The following ATRAID variants were observed in gnomAD, a reference collection of about 807,000 sequenced individuals.
ATRAID encodes all-trans retinoic acid induced differentiation factor.
In ATRAID, 26 loss-of-function variants were observed where a neutral mutation model predicts 28.8. The ratio of observed to expected loss-of-function variants is 0.90; its 90% confidence interval spans 0.66 to 1.25. The LOEUF (loss-of-function observed/expected upper bound fraction) is 1.25, where lower values mean the gene tolerates loss of function less well. ATRAID is among the 50% of genes most tolerant of loss of function. The pLI is 0.00. For synonymous variants in ATRAID, 131 were observed against 108.5 expected (o/e 1.21, Z -1.29); for missense variants, 308 against 285.9 (o/e 1.08, Z -0.56).
At chr2:27,215,842 G>A (rs11126918) in intron 5 of ATRAID, 89 bp downstream of exon 5, 365,332 of 1,516,154 alleles carry the variant, frequency 0.24, 46,446 homozygotes, top group Admixed American at 0.45. Flanking sequence ...TTGCTTAAGC[G>A]CCTTTCATTC....
In ATRAID at chr2:27,212,345, A is replaced by T. The variant is rs369544433; in HGVS notation, c.-24A>T. ...GGCCGCGGGGCCGGGTCGCGCGAGC[A>T]GCGGAGCACCAAGGGAACGGAAAAT... On this transcript the variant is annotated 5_prime_UTR_variant, in exon 1 of 7. Coordinates refer to ENST00000380171, the MANE Select transcript of ATRAID (RefSeq NM_001170795.4). 5.2e-5 allele frequency: 81 copies of T among 1,549,694 alleles called. 1 individual carries two copies. The African/African-American group carries it at 1.0e-3, about 19-fold the overall frequency.
At chr2:27,214,068 T>A (rs567752997) in intron 2 of ATRAID, among the ~76,000 whole-genome samples, 31 of 152,338 alleles carry the variant, frequency 2.0e-4, no homozygotes, top group Middle Eastern at 6.8e-3. Flanking sequence ...ATACCTTTTT[T>A]AAAAACTTCC....
chr2:27,215,329 T>A lies in ATRAID; in HGVS notation c.230T>A (p.Leu77His), dbSNP rs769989754. The A allele has an allele frequency of 6.2e-7, 1 of 1,614,124 alleles. No individual in the cohort carries two copies. Among genetic ancestry groups the A allele is most frequent in the Non-Finnish European group, 8.5e-7 (1 of 1,179,974 alleles). ...NQKGTILGLD[L>H]QNCSLEDPGP... ...TTACTTTATTTCCTCAGGCTGGATCTCCAGAACTGTTCTCTGGAGGACCCT... is the reference window on the plus strand; with the variant it reads ...TTACTTTATTTCCTCAGGCTGGATCACCAGAACTGTTCTCTGGAGGACCCT... Residue 77 changes from leucine to histidine, a missense_variant, in exon 3 of 7, where the codon CTC becomes CAC. Coordinates refer to ENST00000380171, the MANE Select transcript of ATRAID (RefSeq NM_001170795.4).
At position 27,216,567 on chromosome 2, in the gene ATRAID, C is replaced by A. The variant is rs1674844081; in HGVS notation, c.532C>A (p.Leu178Ile). ...ATCTTGTGTACCTGATGGTCCAGGT[C>A]TTTTGCAGTGTGTTTGTGCTGATGG... ...NGSCVPDGPG[L>I]LQCVCADGFH... The change falls in exon 6 of 7, where the codon CTT (leucine) becomes ATT (isoleucine). Residue 178 changes from leucine (L) to isoleucine (I), a missense_variant. By Grantham distance (5) the Leu-to-Ile change is conservative. Transcript: ENST00000380171. The A allele has an allele frequency of 1.2e-6, 2 of 1,614,138 alleles. No individual in the cohort carries two copies. Among genetic ancestry groups the A allele is most frequent in the Non-Finnish European group, 1.7e-6 (2 of 1,180,016 alleles).
Position 27,217,007 on chromosome 2 carries a change from G to T in ATRAID, c.*59G>T. On this transcript the variant is annotated 3_prime_UTR_variant, in exon 7 of 7. Coordinates refer to ENST00000380171, the MANE Select transcript of ATRAID (RefSeq NM_001170795.4). ...TCTGAACTATCTTAGCCCAGTCAGG[G>T]AGCTCTGCTTCCTAGAAAGGCATCT... 7.0e-7 allele frequency: 1 copy of T among 1,428,270 alleles called. No individual in the cohort carries two copies. The highest frequency in any genetic ancestry group is 2.3e-5 in the East Asian group (1 of 43,640). 88.5% of individuals were successfully genotyped at this position (1,428,270 alleles called of 1,614,324 possible). A position where few individuals can be genotyped will look rare whatever the true frequency, so the allele number is the denominator to read the frequency against.
Position 27,212,321 on chromosome 2 carries a change from G to A in ATRAID, c.-48G>A, listed in dbSNP as rs1674603592. The A allele has an allele frequency of 1.9e-6, 3 of 1,549,168 alleles. No homozygotes were observed. Among genetic ancestry groups the A allele is most frequent in the Middle Eastern group, 1.7e-4 (1 of 5,808 alleles). On this transcript the variant is annotated 5_prime_UTR_variant, in exon 1 of 7. Transcript: ENST00000380171. Reference sequence around the variant, plus strand: ...AGGGCCTGACGCGCTGCGGGGCGGGGCCGCGGGGCCGGGTCGCGCGAGCAG... The same window carrying A: ...AGGGCCTGACGCGCTGCGGGGCGGGACCGCGGGGCCGGGTCGCGCGAGCAG...
In ATRAID at chr2:27,212,298, G is replaced by A. The variant is rs765299018; in HGVS notation, c.-71G>A. The A allele has an allele frequency of 5.1e-5, 79 of 1,551,064 alleles. No individual in the cohort carries two copies. Among genetic ancestry groups the A allele is most frequent in the Non-Finnish European group, 6.3e-5 (72 of 1,147,092 alleles). On this transcript the variant is annotated 5_prime_UTR_variant, in exon 1 of 7. Coordinates refer to ENST00000380171, the MANE Select transcript of ATRAID (RefSeq NM_001170795.4). ...CGCTTAGGCCACGCCCGGGGAAGAG[G>A]GCCTGACGCGCTGCGGGGCGGGGCC...
chr2:27,216,967 T>C lies in ATRAID; in HGVS notation c.*19T>C, dbSNP rs1674873740. Reference sequence around the variant, plus strand: ...TTCATGAACTACATAGGTCTTACCATTGACCTAAGATCAATCTGAACTATC... The same window carrying C: ...TTCATGAACTACATAGGTCTTACCACTGACCTAAGATCAATCTGAACTATC... On this transcript the variant is annotated 3_prime_UTR_variant, in exon 7 of 7. Transcript: ENST00000380171. 6.4e-7 allele frequency: 1 copy of C among 1,574,320 alleles called. No individual in the cohort carries two copies. Among genetic ancestry groups the C allele is most frequent in the African/African-American group, 1.4e-5 (1 of 73,864 alleles).
chr2:27,215,541 ACT>A lies in ATRAID; in HGVS notation c.364_365del (p.Leu122AspfsTer13). 1 of 1,614,180 alleles carries A rather than the reference ACT, an allele frequency of 6.2e-7. No homozygotes were observed. Among genetic ancestry groups the A allele is most frequent in the Non-Finnish European group, 8.5e-7 (1 of 1,180,028 alleles). ...NTFRGFTQLQ[T>X]LILPQHVNCP... ...CTTCCGTGGCTTTACTCAGCTCCAG[ACT>A]CTGTGAGTAAGGGTATGGGAAGAGA... On this transcript the variant is annotated frameshift_variant and splice_region_variant, in exon 4 of 7. Transcript: ENST00000380171. LOFTEE classifies it high-confidence loss of function.
At chr2:27,215,900 A>T in intron 5 of ATRAID, 147 bp downstream of exon 5, 2 of 1,127,176 alleles carry the variant, frequency 1.8e-6, no homozygotes, top group Non-Finnish European at 2.5e-6. Context: ...CTTAAGATAT[A>T]CTCTATTATT....
chr2:27,215,453 C>A, intron 3 of ATRAID, 21 bp from the exon 4 acceptor site: 1 of 1,614,156 alleles, frequency 6.2e-7, no homozygotes, highest in South Asian at 1.1e-5. Flanking sequence ...TGCGAAAGTG[C>A]TAACATTGTG....
rs1398054042 is a variant in ATRAID at position 27,212,364 on chromosome 2, G to A, written c.-5G>A. 3 of 1,550,236 alleles carry A rather than the reference G, an allele frequency of 1.9e-6. No individual in the cohort carries two copies. Among genetic ancestry groups the A allele is most frequent in the Non-Finnish European group, 2.6e-6 (3 of 1,146,728 alleles). On this transcript the variant is annotated 5_prime_UTR_variant, in exon 1 of 7. Coordinates refer to ENST00000380171, the MANE Select transcript of ATRAID (RefSeq NM_001170795.4). ...GCGAGCAGCGGAGCACCAAGGGAAC[G>A]GAAAATGGCGCCTCACGACCCGGGT... is the stretch of plus-strand genomic sequence containing the variant.
At chr2:27,216,024 G>A (rs186724508) in intron 5 of ATRAID, among the ~76,000 whole-genome samples, 1 of 152,208 alleles carries the variant, frequency 6.6e-6, no homozygotes, top group African/African-American at 2.4e-5. Flanking sequence ...GTCAGCAAAG[G>A]GTGGTGGGAT....
At position 27,213,181 on chromosome 2, in the gene ATRAID, G is replaced by A. The variant is rs779928768; in HGVS notation, c.104G>A (p.Cys35Tyr). The change falls in exon 2 of 7, where the codon TGC becomes TAC. Residue 35 changes from cysteine to tyrosine, a missense_variant. Transcript: ENST00000380171. The part of the protein sequence containing the change: ...VERALALPEI[C>Y]TQCPGSVQNL... ...ATGTTTCTTTCTCTTCTGCAGATATGCACCCAATGTCCAGGGAGCGTGCAA... is the reference window on the plus strand; with the variant it reads ...ATGTTTCTTTCTCTTCTGCAGATATACACCCAATGTCCAGGGAGCGTGCAA... 6 of 1,608,830 alleles carry A rather than the reference G, an allele frequency of 3.7e-6. No homozygotes were observed. In the African/African-American group the frequency reaches 8.0e-5, roughly 22 times the overall value.
chr2:27,212,247 G>C lies in ATRAID; in HGVS notation c.-122G>C, dbSNP rs780271572. Reference sequence around the variant, plus strand: ...CTCCACGAGCAGGAAAAGCCCCCAAGCAGCCCCAGGGCGACTGGACCGGGC... The same window carrying C: ...CTCCACGAGCAGGAAAAGCCCCCAACCAGCCCCAGGGCGACTGGACCGGGC... On this transcript the variant is annotated 5_prime_UTR_variant, in exon 1 of 7. Coordinates refer to ENST00000380171, the MANE Select transcript of ATRAID (RefSeq NM_001170795.4). The C allele has an allele frequency of 3.8e-6, 6 of 1,560,840 alleles. No individual in the cohort carries two copies. The highest frequency in any genetic ancestry group is 8.7e-7 in the Non-Finnish European group (1 of 1,153,010).
chr2:27,216,891 T>C lies in ATRAID; in HGVS notation c.633T>C (p.Thr211=). 2 of 1,614,192 alleles carry C rather than the reference T, an allele frequency of 1.2e-6. No individual in the cohort carries two copies. Among genetic ancestry groups the C allele is most frequent in the Non-Finnish European group, 1.7e-6 (2 of 1,180,036 alleles). ...TCTTCGGGATTCTGGGAGCCACCAC[T>C]CTATCCGTCTCCATTCTGCTTTGGG... The part of the protein sequence containing the change: ...LMFFGILGAT[T]LSVSILLWAT... The change falls in exon 7 of 7, where the codon ACT becomes ACC. Residue 211 remains threonine (T), a synonymous_variant. Transcript: ENST00000380171.
intron 2 of ATRAID, 55 bp from the exon 3 acceptor site, chr2:27,215,266 C>T (rs937894899): frequency 5.8e-6 from 9 of 1,556,944 alleles, no homozygotes; most frequent in South Asian, 4.5e-5. Context: ...CAAACTGTGC[C>T]GTGGCTGAAG....
At position 27,212,409 on chromosome 2, in the gene ATRAID, C is replaced by T; in HGVS notation, c.41C>T (p.Pro14Leu). The T allele has an allele frequency of 2.6e-6, 4 of 1,552,518 alleles. No homozygotes were observed. Among genetic ancestry groups the T allele is most frequent in the Non-Finnish European group, 3.5e-6 (4 of 1,148,244 alleles). Residue 14 changes from proline (P) to leucine (L), a missense_variant, in exon 1 of 7, where the codon CCC (proline) becomes CTC (leucine). Transcript: ENST00000380171. The part of the protein sequence containing the change: ...HDPGSLTTLV[P>L]WAAALLLALG... Reference sequence around the variant, plus strand: ...CCGGGTAGTCTTACGACCCTGGTGCCCTGGGCTGCCGCCCTGCTCCTCGCT... The same window carrying T: ...CCGGGTAGTCTTACGACCCTGGTGCTCTGGGCTGCCGCCCTGCTCCTCGCT...
intron 2 of ATRAID, among the ~76,000 whole-genome samples, chr2:27,214,317 T>C (rs550617471): frequency 3.9e-5 from 6 of 152,240 alleles, no homozygotes; most frequent in South Asian, 2.1e-4. Flanking sequence ...GCAGTAGATA[T>C]TGAAGAAAAA....
Sources: allele counts gnomAD v4.1 joint callset (sites outside exome capture counted in the v4.1 genomes callset), GRCh38; gene constraint gnomAD v4.1.1; transcripts MANE v1.5; gene names NCBI Gene and HGNC (gene_info 2026-07-23, HGNC 2026-07-21).